Variants in NAA15 observed in about 807,000 individuals in gnomAD.
NAA15 encodes N-alpha-acetyltransferase 15, NatA auxiliary subunit, also known as N-terminal acetyltransferase.
In NAA15, 34 loss-of-function variants were observed where a neutral mutation model predicts 114.0. The ratio of observed to expected loss-of-function variants is 0.30; its 90% CI spans 0.23 to 0.40. The LOEUF is 0.40. NAA15 is among the 10% of genes least tolerant of loss of function. NAA15 has a pLI of 1.00. For synonymous variants in NAA15, 340 were observed against 338.0 expected, an observed-to-expected ratio of 1.01 and a Z score of -0.06; for missense variants, 658 against 1,004.5, an observed-to-expected ratio of 0.66 and a Z score of 4.66.
At position 139,349,599 on chromosome 4, in the gene NAA15, T is replaced by A. The variant is rs770828355; in HGVS notation, c.811+18T>A. The A allele has an allele frequency of 3.2e-6, 5 of 1,581,380 alleles. No individual in the cohort carries two copies. Among genetic ancestry groups the A allele is most frequent in the Non-Finnish European group, 3.4e-6 (4 of 1,168,550 alleles). On this transcript the variant is annotated intron_variant, in intron 7 of 19. Transcript: ENST00000296543. ...CAAGCCAGGTAGTATTGTTTAAAAC[T>A]TACTAAGTTTTATTGTTTCTTTTGT...
intron 1 of NAA15, among the ~76,000 whole-genome samples, chr4:139,320,879 A>G (rs1161303037): frequency 2.0e-5 from 3 of 151,940 alleles, no homozygotes; most frequent in Admixed American, 6.6e-5. Flanking sequence ...CTTGACTCCT[A>G]GCTTCAAGCA....
intron 1 of NAA15, among the ~76,000 whole-genome samples, chr4:139,307,314 T>G (rs6844554): frequency 0.28 from 42,265 of 152,180 alleles, 6,219 homozygotes; most frequent in African/African-American, 0.37. Context: ...TATCACACAG[T>G]CTGGAGTGCA....
intron 3 of NAA15, 78 bp downstream of exon 3, chr4:139,337,030 G>T: frequency 1.2e-6 from 1 of 826,024 alleles, no homozygotes; most frequent in East Asian, 2.8e-5. Context: ...CAAAGTTTTA[G>T]ATCTCTCTTA....
intron 15 of NAA15, among the ~76,000 whole-genome samples, chr4:139,371,006 C>T (rs968414305): frequency 2.6e-5 from 4 of 152,198 alleles, no homozygotes; most frequent in African/African-American, 9.7e-5. Flanking sequence ...AACCAAGATA[C>T]TCATTGTCAC....
rs1432259994 is a variant in NAA15 at position 139,344,595 on chromosome 4, T to G, written c.691+256T>G. Among the ~76,000 whole-genome samples, 6 of 152,288 alleles carry G rather than the reference T, an allele frequency of 3.9e-5. No homozygotes were observed. In the East Asian group the frequency reaches 1.2e-3, roughly 29 times the overall value. On this transcript the variant is annotated intron_variant, in intron 6 of 19. Coordinates refer to ENST00000296543, the MANE Select transcript of NAA15 (RefSeq NM_057175.5). ...GACTCATAACATTCTTTAAATAAAG[T>G]ATCTTTGTATTAAAAATATTATGGA...
chr4:139,304,632 A>G (rs1745946148), intron 1 of NAA15, among the ~76,000 whole-genome samples: 1 of 152,214 alleles, frequency 6.6e-6, no homozygotes, highest in Admixed American at 6.5e-5. Flanking sequence ...CTGTATTTTA[A>G]AAATTTGTAT....
intron 4 of NAA15, among the ~76,000 whole-genome samples, chr4:139,342,326 A>C (rs929741971): frequency 6.6e-6 from 1 of 152,198 alleles, no homozygotes; most frequent in Admixed American, 6.5e-5. Flanking sequence ...TTTTAAAAAA[A>C]TTCTAAGATT....
chr4:139,318,778 C>T (rs140921201), intron 1 of NAA15, among the ~76,000 whole-genome samples: 1,853 of 151,822 alleles, frequency 0.012, 13 homozygotes, highest in East Asian at 0.029. Context: ...TGCTTAAACC[C>T]GGAAAGTGGA....
chr4:139,318,682 C>T (rs889824987), intron 1 of NAA15, among the ~76,000 whole-genome samples: 6 of 151,802 alleles, frequency 4.0e-5, no homozygotes, highest in Admixed American at 2.6e-4. Context: ...AGCGAAACTC[C>T]GTCTCTACGA....
chr4:139,368,167 A>G (rs1748336511), intron 14 of NAA15, among the ~76,000 whole-genome samples: 2 of 152,226 alleles, frequency 1.3e-5, no homozygotes, highest in South Asian at 4.1e-4. Context: ...AAATTACTCA[A>G]AAACATAGCA....
At chr4:139,359,277 C>T (rs896002415) in intron 11 of NAA15, among the ~76,000 whole-genome samples, 13 of 151,702 alleles carry the variant, frequency 8.6e-5, no homozygotes, top group African/African-American at 2.7e-4. Context: ...TACAGGCATG[C>T]GCCACCACCC....
intron 13 of NAA15, among the ~76,000 whole-genome samples, chr4:139,361,071 T>G (rs1487034248): frequency 6.6e-6 from 1 of 152,168 alleles, no homozygotes; most frequent in Non-Finnish European, 1.5e-5. Context: ...GATAAAATTG[T>G]TTTCTTAATT....
At chr4:139,315,473 A>G (rs1746380470) in intron 1 of NAA15, among the ~76,000 whole-genome samples, 1 of 151,722 alleles carries the variant, frequency 6.6e-6, no homozygotes, top group Non-Finnish European at 1.5e-5. Flanking sequence ...AGCAGTGTTC[A>G]TGCCACTGCA....
At chr4:139,345,500 G>C (rs1747549986) in intron 6 of NAA15, among the ~76,000 whole-genome samples, 1 of 152,180 alleles carries the variant, frequency 6.6e-6, no homozygotes, top group South Asian at 2.1e-4. Flanking sequence ...GATAGGTAAA[G>C]TTAGATAAAG....
In NAA15 at chr4:139,301,844, C is replaced by A; in HGVS notation, c.54+13C>A. The A allele has an allele frequency of 6.3e-7, 1 of 1,585,526 alleles. No homozygotes were observed. Among genetic ancestry groups the A allele is most frequent in the Non-Finnish European group, 8.6e-7 (1 of 1,164,850 alleles). ...CAAGCGGATCTTGGTAAGTGTGAGG[C>A]TCCGGGCAAGCGGTGGGGAGGATTT... is the stretch of plus-strand genomic sequence containing the variant. On this transcript the variant is annotated intron_variant, in intron 1 of 19. Coordinates refer to ENST00000296543, the MANE Select transcript of NAA15 (RefSeq NM_057175.5).
In NAA15 at chr4:139,341,125, T is replaced by C. The variant is rs1013769789; in HGVS notation, c.402+56T>C. ...TCTAAGGGGAAAATATGTACAACTT[T>C]GAGTACTTTCAGATACATAAATTTT... On this transcript the variant is annotated intron_variant, in intron 4 of 19. Transcript: ENST00000296543. The C allele has an allele frequency of 1.3e-5, 16 of 1,229,408 alleles. No individual in the cohort carries two copies. In the African/African-American group the frequency reaches 2.3e-4, roughly 18 times the overall value. 76.2% of individuals were successfully genotyped at this position (1,229,408 alleles called of 1,614,324 possible). A position where few individuals can be genotyped will look rare whatever the true frequency, so the allele number is the denominator to read the frequency against.
chr4:139,351,682 A>G (rs1747782790), intron 9 of NAA15, 71 bp downstream of exon 9: 1 of 838,998 alleles, frequency 1.2e-6, no homozygotes, highest in Admixed American at 1.8e-5. Context: ...TTGATTCTTG[A>G]TTATCTCTGC....
At chr4:139,358,204 TGAGA>T (rs902548948) in intron 11 of NAA15, among the ~76,000 whole-genome samples, 4 of 151,176 alleles carry the variant, frequency 2.6e-5, no homozygotes, top group African/African-American at 7.3e-5. Context: ...TTTTTTTTTT[TGAGA>T]GAGAGAAAGA....
intron 3 of NAA15, among the ~76,000 whole-genome samples, chr4:139,340,233 T>G (rs1263739503): frequency 2.6e-5 from 4 of 151,474 alleles, no homozygotes. Context: ...GAGGTGGGAG[T>G]ATCACTTGAG....
Sources: gnomAD v4.1 joint callset for allele counts (sites outside exome capture counted in the v4.1 genomes callset) on GRCh38, gnomAD v4.1.1 for gene constraint, MANE v1.5 for transcripts, NCBI Gene and HGNC (gene_info 2026-07-23, HGNC 2026-07-21) for gene names.